The following SRPRB variants were observed in gnomAD, a reference collection of about 807,000 sequenced individuals.
SRPRB encodes the protein signal recognition particle receptor subunit beta.
Under a neutral mutation model 31.9 loss-of-function variants are expected in SRPRB, and 20 were observed. The observed-to-expected ratio is 0.63, with a 90% CI of 0.44 to 0.91. The LOEUF is 0.91. Among genes scored for constraint, SRPRB ranks in the 40% least tolerant of loss-of-function variants. The pLI is 0.00. For missense variants in SRPRB, 321 were observed against 324.9 expected, an observed-to-expected ratio of 0.99 and a Z score of 0.09; for synonymous variants, 146 against 132.8, an observed-to-expected ratio of 1.10 and a Z score of -0.68.
downstream of SRPRB, chr3:133,828,387 A>C: frequency 5.7e-6 from 2 of 353,576 alleles, no homozygotes; most frequent in South Asian, 3.2e-5. Context: ...CAAAGAGAAC[A>C]GGAAGGAGGA....
At chr3:133,827,816 G>A, downstream of SRPRB, 1 of 543,966 alleles carries the variant, frequency 1.8e-6, no homozygotes. Context: ...TGACATCCAG[G>A]AGGAAGGCTT....
downstream of SRPRB, chr3:133,826,447 G>A (rs1280386160): frequency 2.0e-5 from 3 of 152,538 alleles, no homozygotes; most frequent in Non-Finnish European, 2.9e-5. Context: ...TCTACCATAC[G>A]TTCATTCACT....
intron 4 of SRPRB, 136 bp downstream of exon 4, chr3:133,811,335 G>T (rs1935258502): frequency 4.1e-6 from 3 of 723,420 alleles, no homozygotes; most frequent in Non-Finnish European, 6.6e-6. Flanking sequence ...CTTGGGGTCA[G>T]CCAGTTCTGG....
chr3:133,789,277 G>T (rs900761062), intron 1 of SRPRB: 1 of 152,452 alleles, frequency 6.6e-6, no homozygotes, highest in South Asian at 2.1e-4. Context: ...AAAGCGGGAT[G>T]CAGTTGCATG....
intron 2 of SRPRB, 111 bp from the exon 3 acceptor site, chr3:133,807,635 G>A (rs1935186495): frequency 4.2e-6 from 3 of 721,934 alleles, no homozygotes; most frequent in South Asian, 1.7e-5. Context: ...TTCACCTGTC[G>A]GAAGCAGCAT....
At chr3:133,813,285 C>G (rs1358000452) in intron 4 of SRPRB, among the ~76,000 whole-genome samples, 1 of 152,208 alleles carries the variant, frequency 6.6e-6, no homozygotes, top group African/African-American at 2.4e-5. Flanking sequence ...GGAAAATTCT[C>G]ACCATCGTTT....
At chr3:133,816,209 A>G (rs932431896) in intron 5 of SRPRB, among the ~76,000 whole-genome samples, 12 of 152,228 alleles carry the variant, frequency 7.9e-5, no homozygotes, top group Admixed American at 7.2e-4. Context: ...GTACAATAAG[A>G]CAGACTAGTG....
downstream of SRPRB, among the ~76,000 whole-genome samples, chr3:133,822,473 G>C (rs923463781): frequency 6.6e-6 from 1 of 152,088 alleles, no homozygotes; most frequent in Non-Finnish European, 1.5e-5. Context: ...TCTCCAGTCC[G>C]GGCCTTGGTA....
intron 3 of SRPRB, among the ~76,000 whole-genome samples, chr3:133,809,778 T>C (rs567820717): frequency 1.1e-4 from 17 of 152,220 alleles, no homozygotes; most frequent in Non-Finnish European, 2.2e-4. Context: ...TAAAGTATCA[T>C]TAATAATTTC....
At chr3:133,824,037 G>A (rs918293494), downstream of SRPRB, among the ~76,000 whole-genome samples, 2 of 152,160 alleles carry the variant, frequency 1.3e-5, no homozygotes, top group Admixed American at 6.5e-5. Context: ...TCTCATGAGT[G>A]TGTCCCATCT....
intron 4 of SRPRB, among the ~76,000 whole-genome samples, chr3:133,812,762 A>G (rs936490945): frequency 3.9e-5 from 6 of 152,114 alleles, no homozygotes; most frequent in African/African-American, 1.4e-4. Flanking sequence ...AACCTTAAAC[A>G]CTTTAACTTT....
intron 1 of SRPRB, chr3:133,795,074 G>A (rs1394965707): frequency 6.6e-6 from 1 of 152,184 alleles, no homozygotes; most frequent in Non-Finnish European, 1.5e-5. Flanking sequence ...CTAAATAATA[G>A]AGTTGGCTAA....
At chr3:133,809,890 G>A (rs1490283569) in intron 3 of SRPRB, among the ~76,000 whole-genome samples, 1 of 151,698 alleles carries the variant, frequency 6.6e-6, no homozygotes, top group Non-Finnish European at 1.5e-5. Flanking sequence ...TATGGTTACT[G>A]GAATATTTAA....
chr3:133,815,326 T>C (rs755867166), intron 4 of SRPRB, among the ~76,000 whole-genome samples: 1 of 152,172 alleles, frequency 6.6e-6, no homozygotes, highest in African/African-American at 2.4e-5. Context: ...ATCATATGGT[T>C]CTCTATATGA....
downstream of SRPRB, chr3:133,827,870 C>CTT (rs1437138707): frequency 3.0e-6 from 2 of 677,326 alleles, no homozygotes; most frequent in South Asian, 3.0e-5. Context: ...GTTTCTTAGA[C>CTT]TTGGCCCAGG....
chr3:133,811,745 G>C (rs2107971588), intron 4 of SRPRB, among the ~76,000 whole-genome samples: 1 of 151,990 alleles, frequency 6.6e-6, no homozygotes, highest in Non-Finnish European at 1.5e-5. Context: ...ACCACACCCT[G>C]CTAATTTTTC....
upstream of SRPRB, among the ~76,000 whole-genome samples, chr3:133,802,937 G>A (rs1303230629): frequency 6.6e-6 from 1 of 152,144 alleles, no homozygotes; most frequent in Non-Finnish European, 1.5e-5. Flanking sequence ...TTCATTTAAT[G>A]GCTTTCTCAT....
intron 1 of SRPRB, chr3:133,793,939 A>G (rs1478390322): frequency 6.6e-6 from 1 of 152,328 alleles, no homozygotes; most frequent in East Asian, 1.9e-4. Flanking sequence ...TAGAACAAAA[A>G]TTAATTAAAT....
At position 133,820,111 on chromosome 3, in the gene SRPRB, T is replaced by C. The variant is rs1263159472; in HGVS notation, c.*345T>C. 4.7e-6 allele frequency: 1 copy of C among 213,774 alleles called. No homozygotes were observed. 13.2% of individuals were successfully genotyped at this position (213,774 alleles called of 1,614,324 possible). A position where few individuals can be genotyped will look rare whatever the true frequency, so the allele number is the denominator to read the frequency against. Reference sequence around the variant, plus strand: ...ATGGCCATCACCTGAAAAGTTTTCTTATCTTCTGTGCTTTTGGTCCCTGGA... The same window carrying C: ...ATGGCCATCACCTGAAAAGTTTTCTCATCTTCTGTGCTTTTGGTCCCTGGA... On this transcript the variant is annotated 3_prime_UTR_variant, in exon 7 of 7. Transcript: ENST00000678299.
Sources: allele counts gnomAD v4.1 joint callset (sites outside exome capture counted in the v4.1 genomes callset), GRCh38; gene constraint gnomAD v4.1.1; transcripts MANE v1.5; gene names NCBI Gene and HGNC (gene_info 2026-07-23, HGNC 2026-07-21).